Variants in CNBD1 observed in about 807,000 individuals in gnomAD.
CNBD1 encodes cyclic nucleotide-binding domain-containing protein 1.
CNBD1 carries 71 observed loss-of-function variants against 54.4 expected under a neutral mutation model. The observed-to-expected ratio is 1.30, with a 90% CI of 1.08 to 1.59. CNBD1 has a LOEUF of 1.59. Among genes scored for constraint, CNBD1 ranks in the 40% most tolerant of loss-of-function variants. The probability of loss-of-function intolerance (pLI) is 0.00; values close to 1 mark genes in which losing one functional copy is unlikely to be tolerated. For synonymous variants in CNBD1, 182 were observed against 170.7 expected (o/e 1.07, Z -0.51); for missense variants, 659 against 518.0 (o/e 1.27, Z -2.64).
chr8:87,393,417 G>A (rs931443581), intron 2 of CNBD1, among the ~76,000 whole-genome samples: 7 of 151,914 alleles, frequency 4.6e-5, no homozygotes, highest in African/African-American at 1.7e-4. Flanking sequence ...GGATTTGAAA[G>A]TACACATATG....
intron 8 of CNBD1, among the ~76,000 whole-genome samples, chr8:87,318,160 AT>A (rs1177328434): frequency 1.3e-5 from 2 of 149,140 alleles, no homozygotes; most frequent in Non-Finnish European, 3.0e-5. Context: ...TTGTCTTCTG[AT>A]TCTAATATCT....
At chr8:87,286,138 T>G (rs1349706568) in intron 7 of CNBD1, among the ~76,000 whole-genome samples, 1 of 152,202 alleles carries the variant, frequency 6.6e-6, no homozygotes, top group South Asian at 2.1e-4. Context: ...TCCCTGATGT[T>G]TATTTGTTTT....
chr8:86,959,713 G>T (rs956008867), intron 4 of CNBD1, among the ~76,000 whole-genome samples: 1 of 152,074 alleles, frequency 6.6e-6, no homozygotes, highest in African/African-American at 2.4e-5. Context: ...GTCATTTAAG[G>T]TCTTCTCTAT....
intron 6 of CNBD1, 81 bp downstream of exon 6, chr8:87,237,193 A>T (rs1229136551): frequency 1.3e-6 from 1 of 758,572 alleles, no homozygotes; most frequent in East Asian, 2.6e-5. Flanking sequence ...AGACATTAAG[A>T]TCCAATATCT....
At chr8:87,055,837 T>TTTCC (rs199523377) in intron 4 of CNBD1, among the ~76,000 whole-genome samples, 3,991 of 140,640 alleles carry the variant, frequency 0.028, 118 homozygotes, top group African/African-American at 0.054. Context: ...TCCCTCTCTC[T>TTTCC]TTCCTTCCTT....
intron 5 of CNBD1, among the ~76,000 whole-genome samples, chr8:87,235,958 C>G (rs1245178917): frequency 2.6e-5 from 4 of 151,934 alleles, no homozygotes; most frequent in Non-Finnish European, 5.9e-5. Flanking sequence ...AAAATCACTC[C>G]CCCATGGTCA....
At chr8:86,965,052 T>G (rs534109178) in intron 4 of CNBD1, among the ~76,000 whole-genome samples, 1 of 152,152 alleles carries the variant, frequency 6.6e-6, no homozygotes, top group Non-Finnish European at 1.5e-5. Flanking sequence ...TTACCACAAG[T>G]TTACATACAG....
chr8:87,166,588 A>G lies in CNBD1; in HGVS notation c.432-39405A>G, dbSNP rs769093718. Among the ~76,000 whole-genome samples the G allele has an allele frequency of 2.7e-4, 41 of 151,910 alleles. No homozygotes were observed. Among genetic ancestry groups the G allele is most frequent in the African/African-American group, 7.7e-4 (32 of 41,394 alleles). ...GGATCTGGCCCAGCTCAGTTTCTCA[A>G]TGTTCATTATTTCCAAAGTCCAGCC... On this transcript the variant is annotated intron_variant, in intron 4 of 10. Transcript: ENST00000518476. This position sits in a 1 kb window ranked among gnomAD's most constrained non-coding sequence, Gnocchi z 4.3.
At chr8:87,355,143 T>C (rs1399026326) in intron 10 of CNBD1, among the ~76,000 whole-genome samples, 1 of 152,234 alleles carries the variant, frequency 6.6e-6, no homozygotes, top group Non-Finnish European at 1.5e-5. Context: ...TTTGTATGTA[T>C]ATTATGTACA....
At chr8:87,340,493 GTTTC>G (rs1436362495) in intron 8 of CNBD1, among the ~76,000 whole-genome samples, 3 of 152,156 alleles carry the variant, frequency 2.0e-5, no homozygotes, top group South Asian at 2.1e-4. Flanking sequence ...TAAACTTTCT[GTTTC>G]TTTCTCTCTC....
chr8:87,408,173 C>G (rs1458529558), intron 2 of CNBD1, among the ~76,000 whole-genome samples: 2 of 151,842 alleles, frequency 1.3e-5, no homozygotes, highest in Non-Finnish European at 2.9e-5. Flanking sequence ...TGGTAATTAC[C>G]TCCTCAAACA....
chr8:87,301,401 A>T (rs760038140), intron 8 of CNBD1, among the ~76,000 whole-genome samples: 55 of 152,158 alleles, frequency 3.6e-4, no homozygotes, highest in Non-Finnish European at 6.3e-4. Context: ...CCAAAAAGAA[A>T]ACTACAGACC....
intron 6 of CNBD1, among the ~76,000 whole-genome samples, chr8:87,274,584 T>C (rs1342812130): frequency 6.9e-6 from 1 of 144,614 alleles, no homozygotes; most frequent in Non-Finnish European, 1.5e-5. Context: ...GAAGTGTCTG[T>C]TCATGTCCTT....
intron 4 of CNBD1, among the ~76,000 whole-genome samples, chr8:87,072,223 C>G (rs1810773374): frequency 6.6e-6 from 1 of 151,954 alleles, no homozygotes; most frequent in African/African-American, 2.4e-5. Flanking sequence ...AGATGTGTCC[C>G]TTGAAGACAG....
At chr8:87,151,846 ACTT>A (rs1176716924) in intron 4 of CNBD1, among the ~76,000 whole-genome samples, 1 of 152,108 alleles carries the variant, frequency 6.6e-6, no homozygotes, top group Non-Finnish European at 1.5e-5. Context: ...TTTGGTCTAT[ACTT>A]CTTCATATTT....
At chr8:86,974,847 T>G (rs1050696183) in intron 4 of CNBD1, among the ~76,000 whole-genome samples, 2 of 152,034 alleles carry the variant, frequency 1.3e-5, no homozygotes, top group Admixed American at 1.3e-4. Context: ...TATTTCAAAT[T>G]TACATGTGCA....
At chr8:87,075,330 G>A (rs540353273) in intron 4 of CNBD1, among the ~76,000 whole-genome samples, 1 of 152,174 alleles carries the variant, frequency 6.6e-6, no homozygotes, top group South Asian at 2.1e-4. Context: ...TAGATAGATA[G>A]TTTTTTTCTA....
At chr8:86,868,965 T>C (rs1808403118) in intron 1 of CNBD1, among the ~76,000 whole-genome samples, 2 of 152,066 alleles carry the variant, frequency 1.3e-5, no homozygotes, top group East Asian at 1.9e-4. Flanking sequence ...GAATGATATG[T>C]GAGAAAGACT....
intron 6 of CNBD1, among the ~76,000 whole-genome samples, chr8:87,268,289 T>A (rs1293879528): frequency 6.6e-6 from 1 of 152,134 alleles, no homozygotes; most frequent in Non-Finnish European, 1.5e-5. Context: ...GATTTTGTTC[T>A]TTTGTATGGT....
Sources: gnomAD v4.1 joint callset for allele counts (sites outside exome capture counted in the v4.1 genomes callset) on GRCh38, gnomAD v4.1.1 for gene constraint, Gnocchi (gnomAD v3.1) non-coding constraint, MANE v1.5 for transcripts, NCBI Gene and HGNC (gene_info 2026-07-23, HGNC 2026-07-21) for gene names.